PCDH11X: variants seen among roughly 807,000 people sequenced by gnomAD.
The protein encoded by PCDH11X is protocadherin 11 X-linked.
In PCDH11X, 18 loss-of-function variants were observed where a neutral mutation model predicts 53.3. That is an observed-to-expected ratio of 0.34 (90% CI 0.23 to 0.50). The LOEUF (loss-of-function observed/expected upper bound fraction) is 0.50, where lower values mean the gene tolerates loss of function less well. PCDH11X is among the 20% of genes least tolerant of loss of function. PCDH11X has a pLI of 0.98. For synonymous variants in PCDH11X, 279 were observed against 393.3 expected (o/e 0.71, Z 3.44); for missense variants, 570 against 1,032.4 (o/e 0.55, Z 6.14).
At chrX:92,420,539 G>A (rs1228216102) in intron 9 of PCDH11X, 1 of 351,776 alleles carries the variant, frequency 2.8e-6, no homozygotes, top group African/African-American at 2.6e-5. Context: ...TTCATCCCAA[G>A]GAGGGTTTTT....
intron 7 of PCDH11X, among the ~76,000 whole-genome samples, chrX:92,214,834 C>T (rs1388358773): frequency 1.8e-5 from 2 of 110,785 alleles, no homozygotes; most frequent in Admixed American, 9.7e-5. Context: ...GGATCATTTG[C>T]ACCCAAGAGT....
At chrX:92,295,520 G>A (rs1484519324) in intron 8 of PCDH11X, among the ~76,000 whole-genome samples, 1 of 109,321 alleles carries the variant, frequency 9.1e-6, no homozygotes, top group Non-Finnish European at 1.9e-5. Flanking sequence ...AATTATCTTC[G>A]CTAGGTCCTC....
chrX:92,438,646 T>C (rs942334825), intron 9 of PCDH11X, among the ~76,000 whole-genome samples: 22 of 111,377 alleles, frequency 2.0e-4, no homozygotes, highest in African/African-American at 7.2e-4. Context: ...GAAAAGAACA[T>C]TTTTATATCT....
At chrX:91,843,261 T>TTG (rs1491364737) in intron 5 of PCDH11X, among the ~76,000 whole-genome samples, 15 of 57,413 alleles carry the variant, frequency 2.6e-4, no homozygotes, top group African/African-American at 7.6e-4. Flanking sequence ...ACATACATAC[T>TTG]TATGTGTGTG....
intron 6 of PCDH11X, among the ~76,000 whole-genome samples, chrX:91,954,678 T>C (rs1410924791): frequency 9.0e-6 from 1 of 111,163 alleles, no homozygotes; most frequent in Non-Finnish European, 1.9e-5. Context: ...GGTATCTCAC[T>C]GTGGCTTTGA....
intron 7 of PCDH11X, among the ~76,000 whole-genome samples, chrX:92,229,890 G>A (rs1284411827): frequency 9.1e-6 from 1 of 110,355 alleles, no homozygotes; most frequent in African/African-American, 3.3e-5. Context: ...TCCCTTTTTT[G>A]GAAAATAGTT....
chrX:92,274,415 T>A (rs991632954), intron 8 of PCDH11X, among the ~76,000 whole-genome samples: 11 of 111,043 alleles, frequency 9.9e-5, no homozygotes, highest in South Asian at 3.8e-4. Flanking sequence ...CAGACTGTAT[T>A]GAGGTGGGAA....
chrX:92,472,669 A>T (rs1484924657), intron 10 of PCDH11X, among the ~76,000 whole-genome samples: 1 of 110,543 alleles, frequency 9.0e-6, no homozygotes, highest in African/African-American at 3.3e-5. Context: ...AATGTCATTG[A>T]TAATTTAATA....
intron 9 of PCDH11X, among the ~76,000 whole-genome samples, chrX:92,420,105 A>G (rs2071928126): frequency 9.0e-6 from 1 of 111,266 alleles, no homozygotes; most frequent in African/African-American, 3.3e-5. Flanking sequence ...CTGATAATAT[A>G]CATACCTAAC....
At chrX:91,999,077 C>A (rs919749211) in intron 6 of PCDH11X, among the ~76,000 whole-genome samples, 23 of 109,285 alleles carry the variant, frequency 2.1e-4, no homozygotes, top group African/African-American at 7.6e-4. Context: ...CCATGTCCAA[C>A]TATTTTTAAA....
intron 5 of PCDH11X, among the ~76,000 whole-genome samples, chrX:91,855,156 A>G (rs186938180): frequency 6.8e-4 from 76 of 111,753 alleles, no homozygotes; most frequent in Admixed American, 2.3e-3. Flanking sequence ...ATTTACTCCA[A>G]TTTGATTTGA....
At chrX:92,579,771 G>C (rs1456589577) in intron 10 of PCDH11X, among the ~76,000 whole-genome samples, 1 of 111,687 alleles carries the variant, frequency 9.0e-6, no homozygotes, top group African/African-American at 3.3e-5. Flanking sequence ...CCTCAGTCCA[G>C]TTCTGAGTGC....
intron 10 of PCDH11X, among the ~76,000 whole-genome samples, chrX:92,470,179 G>T (rs1395140598): frequency 9.5e-6 from 1 of 105,422 alleles, no homozygotes; most frequent in African/African-American, 3.4e-5. Flanking sequence ...ATTCCTTAAT[G>T]TTGGCACATA....
At chrX:92,447,246 T>C (rs750955541) in intron 9 of PCDH11X, among the ~76,000 whole-genome samples, 1 of 111,902 alleles carries the variant, frequency 8.9e-6, no homozygotes, top group African/African-American at 3.2e-5. Flanking sequence ...AATTAGAAGC[T>C]GAATGTTAAT....
At chrX:92,379,849 C>G (rs112819078) in intron 8 of PCDH11X, among the ~76,000 whole-genome samples, 2 of 106,690 alleles carry the variant, frequency 1.9e-5, no homozygotes, top group Admixed American at 2.0e-4. Flanking sequence ...TTTCACTCAA[C>G]AAAGCATCTC....
chrX:92,506,218 T>TTC (rs1478274270), intron 10 of PCDH11X, among the ~76,000 whole-genome samples: 1 of 72,354 alleles, frequency 1.4e-5, no homozygotes, highest in Admixed American at 1.8e-4. Flanking sequence ...TTTCTTTTCT[T>TTC]TTTTTTTTTT....
chrX:92,317,494 T>C (rs2148488935), intron 8 of PCDH11X, among the ~76,000 whole-genome samples: 1 of 111,582 alleles, frequency 9.0e-6, no homozygotes, highest in South Asian at 3.7e-4. Context: ...TTAAAATCAG[T>C]ACAGAGTCAT....
intron 10 of PCDH11X, among the ~76,000 whole-genome samples, chrX:92,499,753 G>A (rs914345311): frequency 1.9e-5 from 2 of 104,354 alleles, no homozygotes; most frequent in African/African-American, 7.0e-5. Flanking sequence ...GACCACTTGA[G>A]CCTGGGAGGT....
chrX:92,222,494 C>T (rs1035778220), intron 7 of PCDH11X, among the ~76,000 whole-genome samples: 1 of 111,380 alleles, frequency 9.0e-6, no homozygotes, highest in Admixed American at 9.6e-5. Flanking sequence ...TGTAGAGCAT[C>T]CCGATCTCCC....
Sources: gnomAD v4.1 joint callset for allele counts (sites outside exome capture counted in the v4.1 genomes callset) on GRCh38, gnomAD v4.1.1 for gene constraint, MANE v1.5 for transcripts, NCBI Gene and HGNC (gene_info 2026-07-23, HGNC 2026-07-21) for gene names.